The following CCSER1 variants were observed in gnomAD, a reference collection of about 807,000 sequenced individuals.
CCSER1 encodes the protein coiled-coil serine rich protein 1, also known as serine-rich coiled-coil domain-containing protein 1.
A neutral mutation model predicts 82.0 loss-of-function variants in CCSER1; 41 were observed. That is an observed-to-expected ratio of 0.50 (90% CI 0.39 to 0.65). CCSER1 has a LOEUF of 0.65. Ranked by LOEUF, CCSER1 falls within the 30% of genes least tolerant of loss-of-function variation. The pLI is 0.00. For synonymous variants in CCSER1, 414 were observed against 383.9 expected (o/e 1.08, Z -0.92); for missense variants, 1,119 against 1,064.2 (o/e 1.05, Z -0.72).
chr4:90,298,808 T>G (rs1322784554), intron 1 of CCSER1, among the ~76,000 whole-genome samples: 2 of 152,138 alleles, frequency 1.3e-5, no homozygotes, highest in Non-Finnish European at 2.9e-5. Context: ...TGTATCAGAG[T>G]CTGAATTCTT....
intron 10 of CCSER1, among the ~76,000 whole-genome samples, chr4:91,096,516 A>T (rs191765158): frequency 6.6e-6 from 1 of 152,250 alleles, no homozygotes; most frequent in Non-Finnish European, 1.5e-5. Context: ...GAATCTATAT[A>T]TGGGAACTGA....
chr4:91,450,051 G>T (rs1352193124), intron 10 of CCSER1, among the ~76,000 whole-genome samples: 1 of 151,944 alleles, frequency 6.6e-6, no homozygotes, highest in African/African-American at 2.4e-5. Context: ...TTGCTACATT[G>T]CTATGAACTG....
chr4:91,178,618 A>G (rs950078683), intron 10 of CCSER1, among the ~76,000 whole-genome samples: 4 of 152,172 alleles, frequency 2.6e-5, no homozygotes, highest in Admixed American at 2.6e-4. Flanking sequence ...ATCAGAGACT[A>G]GGATTGCAAA....
chr4:90,868,573 G>T (rs1174909821), intron 8 of CCSER1, among the ~76,000 whole-genome samples: 1 of 151,956 alleles, frequency 6.6e-6, no homozygotes, highest in African/African-American at 2.4e-5. Flanking sequence ...TTGTGTGTGT[G>T]TACCACCTTT....
intron 7 of CCSER1, among the ~76,000 whole-genome samples, chr4:90,792,632 A>G (rs1203720001): frequency 6.6e-6 from 1 of 152,212 alleles, no homozygotes; most frequent in Non-Finnish European, 1.5e-5. Context: ...ACACTCAGAC[A>G]GATAAAAGGC....
At chr4:90,777,354 CAAAAAAAAA>C (rs60638334) in intron 7 of CCSER1, among the ~76,000 whole-genome samples, 1 of 58,528 alleles carries the variant, frequency 1.7e-5, no homozygotes, top group Non-Finnish European at 3.1e-5. Context: ...GACTCCATCT[CAAAAAAAAA>C]AAAAAAAAAA....
intron 5 of CCSER1, among the ~76,000 whole-genome samples, chr4:90,582,940 A>G (rs1434421618): frequency 6.6e-6 from 1 of 152,224 alleles, no homozygotes; most frequent in Non-Finnish European, 1.5e-5. Context: ...TTGTATTGAT[A>G]TACTGATCTG....
At chr4:91,084,013 C>T (rs1165943721) in intron 9 of CCSER1, among the ~76,000 whole-genome samples, 1 of 152,110 alleles carries the variant, frequency 6.6e-6, no homozygotes, top group African/African-American at 2.4e-5. Context: ...TCACTGTAAC[C>T]TCTGCTTTCT....
chr4:91,042,921 CA>C (rs747499230), intron 9 of CCSER1, among the ~76,000 whole-genome samples: 2 of 152,022 alleles, frequency 1.3e-5, no homozygotes, highest in African/African-American at 2.4e-5. Flanking sequence ...AAATGAAAAC[CA>C]AACCATCTGG....
At chr4:90,889,379 TC>T (rs957407396) in intron 8 of CCSER1, among the ~76,000 whole-genome samples, 2 of 152,114 alleles carry the variant, frequency 1.3e-5, no homozygotes, top group African/African-American at 4.8e-5. Flanking sequence ...CTCCTACCCC[TC>T]CTTCTCCCCA....
chr4:91,068,028 T>G (rs1324638610), intron 9 of CCSER1, among the ~76,000 whole-genome samples: 1 of 152,210 alleles, frequency 6.6e-6, no homozygotes, highest in Non-Finnish European at 1.5e-5. Context: ...AGCTTCTCCT[T>G]ACTATAACAA....
chr4:91,238,916 A>T (rs1269084677), intron 10 of CCSER1, among the ~76,000 whole-genome samples: 1 of 151,704 alleles, frequency 6.6e-6, no homozygotes, highest in Non-Finnish European at 1.5e-5. Flanking sequence ...CTCTGCCTCC[A>T]GAGTTCAAGC....
At chr4:90,379,623 G>A (rs1748902302) in intron 3 of CCSER1, among the ~76,000 whole-genome samples, 1 of 152,060 alleles carries the variant, frequency 6.6e-6, no homozygotes, top group African/African-American at 2.4e-5. Context: ...AGGCAGGATT[G>A]GTGATGATAG....
At chr4:90,708,398 G>A (rs1265849292) in intron 6 of CCSER1, among the ~76,000 whole-genome samples, 1 of 152,106 alleles carries the variant, frequency 6.6e-6, no homozygotes, top group Non-Finnish European at 1.5e-5. Context: ...AAAACACTGA[G>A]TTCATTCACC....
intron 4 of CCSER1, among the ~76,000 whole-genome samples, chr4:90,424,155 T>C (rs1402334119): frequency 2.0e-5 from 3 of 147,192 alleles, no homozygotes; most frequent in Non-Finnish European, 2.9e-5. Context: ...GATGTGTTAA[T>C]AAGGTGTTTT....
chr4:90,714,335 T>A (rs961442718), intron 6 of CCSER1, among the ~76,000 whole-genome samples: 8 of 152,038 alleles, frequency 5.3e-5, no homozygotes, highest in African/African-American at 1.9e-4. Flanking sequence ...AGATTTTTTC[T>A]TATTAAGCAC....
intron 10 of CCSER1, among the ~76,000 whole-genome samples, chr4:91,393,715 T>C (rs1315039151): frequency 6.6e-6 from 1 of 152,150 alleles, no homozygotes; most frequent in Non-Finnish European, 1.5e-5. Context: ...ATTTCTTTTT[T>C]TCAATATTTT....
At chr4:90,503,737 T>G (rs1317432869) in intron 5 of CCSER1, among the ~76,000 whole-genome samples, 1 of 152,190 alleles carries the variant, frequency 6.6e-6, no homozygotes, top group African/African-American at 2.4e-5. Flanking sequence ...ACAAAGGACA[T>G]GAACTCATCA....
intron 9 of CCSER1, among the ~76,000 whole-genome samples, chr4:90,930,969 C>CATATATATACATACATGATAT (rs1729712708): frequency 9.1e-5 from 11 of 120,330 alleles, no homozygotes; most frequent in African/African-American, 1.9e-4. Flanking sequence ...ATACATGATA[C>CATATATATACATACATGATAT]ATATATGTAC....
Sources: gnomAD v4.1 joint callset for allele counts (sites outside exome capture counted in the v4.1 genomes callset) on GRCh38, gnomAD v4.1.1 for gene constraint, MANE v1.5 for transcripts, NCBI Gene and HGNC (gene_info 2026-07-23, HGNC 2026-07-21) for gene names.